PTPRD: variants seen among roughly 807,000 people sequenced by gnomAD.
PTPRD encodes receptor-type tyrosine-protein phosphatase delta.
A neutral mutation model predicts 214.5 loss-of-function variants in PTPRD; 34 were observed. That is an observed-to-expected ratio of 0.16 (90% confidence interval 0.12 to 0.21). The LOEUF (loss-of-function observed/expected upper bound fraction) is 0.21, where lower values mean the gene tolerates loss of function less well. Ranked by LOEUF, PTPRD falls within the 10% of genes least tolerant of loss-of-function variation. PTPRD has a pLI of 1.00. For missense variants in PTPRD, 2,545 were observed against 2,398.7 expected, an observed-to-expected ratio of 1.06 and a Z score of -1.27; for synonymous variants, 1,128 against 845.7, an observed-to-expected ratio of 1.33 and a Z score of -5.79.
chr9:8,420,619 T>A (rs540370367), intron 35 of PTPRD, among the ~76,000 whole-genome samples: 2 of 152,110 alleles, frequency 1.3e-5, no homozygotes, highest in Non-Finnish European at 2.9e-5. Flanking sequence ...CAAGAGCAGA[T>A]GAAGACTTAA....
intron 3 of PTPRD, among the ~76,000 whole-genome samples, chr9:10,225,205 G>C (rs906480146): frequency 2.5e-4 from 38 of 151,684 alleles, no homozygotes; most frequent in Admixed American, 7.9e-4. Context: ...AATTTTAGTA[G>C]TTTATAGTAA....
intron 3 of PTPRD, among the ~76,000 whole-genome samples, chr9:10,190,426 A>G (rs1177289824): frequency 1.6e-5 from 2 of 123,788 alleles, no homozygotes; most frequent in African/African-American, 6.8e-5. Flanking sequence ...AAAAACAAAA[A>G]GTCAAAGTGG....
At chr9:10,185,806 T>G (rs1273844264) in intron 3 of PTPRD, among the ~76,000 whole-genome samples, 2 of 152,142 alleles carry the variant, frequency 1.3e-5, no homozygotes, top group Admixed American at 1.3e-4. Context: ...CTAACTTGTT[T>G]CCTGGGAAGC....
chr9:9,095,493 T>TA (rs1304704695), intron 10 of PTPRD, among the ~76,000 whole-genome samples: 1 of 152,138 alleles, frequency 6.6e-6, no homozygotes, highest in African/African-American at 2.4e-5. Context: ...TGTAGTATAT[T>TA]AAAAATATAT....
intron 3 of PTPRD, among the ~76,000 whole-genome samples, chr9:10,239,359 C>CA (rs2099639450): frequency 6.6e-6 from 1 of 151,438 alleles, no homozygotes; most frequent in Non-Finnish European, 1.5e-5. Context: ...TGTATAGGTG[C>CA]AAAAAAAGCA....
At chr9:8,688,954 T>G (rs1181784966) in intron 12 of PTPRD, among the ~76,000 whole-genome samples, 1 of 152,226 alleles carries the variant, frequency 6.6e-6, no homozygotes, top group Admixed American at 6.5e-5. Context: ...ATGAATGCAT[T>G]TGAAGAATGT....
intron 11 of PTPRD, among the ~76,000 whole-genome samples, chr9:8,913,825 T>G (rs183576414): frequency 3.3e-5 from 5 of 152,294 alleles, no homozygotes; most frequent in African/African-American, 1.2e-4. Flanking sequence ...GTATTGTGAT[T>G]ATGACCTGCT....
chr9:8,391,069 A>C (rs2089371916), intron 36 of PTPRD, among the ~76,000 whole-genome samples: 1 of 115,622 alleles, frequency 8.6e-6, no homozygotes, highest in Admixed American at 8.2e-5. Context: ...TGATATGGGA[A>C]GGTACACTAG....
intron 9 of PTPRD, among the ~76,000 whole-genome samples, chr9:9,376,930 G>C (rs2060951098): frequency 6.6e-6 from 1 of 151,924 alleles, no homozygotes; most frequent in East Asian, 1.9e-4. Context: ...TTTGGGCTAG[G>C]AGACCAAATC....
intron 11 of PTPRD, among the ~76,000 whole-genome samples, chr9:8,810,848 A>T (rs565095867): frequency 1.3e-5 from 2 of 152,292 alleles, no homozygotes; most frequent in South Asian, 2.1e-4. Context: ...AGAGGCTCAC[A>T]GTCTTCCCTG....
At position 8,518,269 on chromosome 9, in the gene PTPRD, C is replaced by A. The variant is rs137892356; in HGVS notation, c.1122G>T (p.Ala374=). 1 of 1,614,056 alleles carries A rather than the reference C, an allele frequency of 6.2e-7. No individual in the cohort carries two copies. Among genetic ancestry groups the A allele is most frequent in the South Asian group, 1.1e-5 (1 of 91,078 alleles). The change falls in exon 21 of 46, where the codon GCG becomes GCT. Residue 374 remains alanine, a synonymous_variant. Coordinates refer to ENST00000381196, the MANE Select transcript of PTPRD (RefSeq NM_002839.4). ...EELYKEIDGV[A]TTRYSVAGLS... is the part of the protein sequence containing the mutation. ...GTCCAGCGACACTGTAGCGTGTGGT[C>A]GCCACCCCATCAATTTCTTTGTAAA...
In PTPRD at chr9:9,471,314, T is replaced by C. The variant is rs186182885; in HGVS notation, c.-236-73832A>G. On this transcript the variant is annotated intron_variant, in intron 8 of 45. Transcript: ENST00000381196. ...AAAGGAAACAACTGGATATTTCTTC[T>C]AGCTGAACTTATTATACTGTCAACA... is the stretch of plus-strand genomic sequence containing the variant. Among the ~76,000 whole-genome samples, 18 of 152,314 alleles carry C rather than the reference T, an allele frequency of 1.2e-4. 1 individual carries two copies. The highest frequency in any genetic ancestry group is 3.6e-4 in the African/African-American group (15 of 41,580).
intron 3 of PTPRD, among the ~76,000 whole-genome samples, chr9:10,248,046 G>A (rs939234004): frequency 6.6e-6 from 1 of 152,080 alleles, no homozygotes; most frequent in Non-Finnish European, 1.5e-5. Context: ...CCTCTCTCTT[G>A]CCTGCTGCCA....
chr9:9,302,601 C>CTT (rs3047853), intron 9 of PTPRD, among the ~76,000 whole-genome samples: 29,651 of 111,392 alleles, frequency 0.27, 4,573 homozygotes, highest in Non-Finnish European at 0.31. Flanking sequence ...TTTTTTTTTT[C>CTT]TTTTTTTTTT....
intron 7 of PTPRD, among the ~76,000 whole-genome samples, chr9:9,697,145 AGTT>A (rs988596484): frequency 6.6e-5 from 10 of 152,010 alleles, no homozygotes; most frequent in Admixed American, 6.6e-4. Flanking sequence ...CTGTCTCTTA[AGTT>A]GTTGTAGCTA....
intron 11 of PTPRD, among the ~76,000 whole-genome samples, chr9:8,783,047 A>C (rs184674999): frequency 1.3e-5 from 2 of 152,244 alleles, no homozygotes; most frequent in East Asian, 3.9e-4. Flanking sequence ...TCAAGACTCA[A>C]TTTCAGTTTT....
At chr9:8,933,908 G>C (rs986466998) in intron 11 of PTPRD, among the ~76,000 whole-genome samples, 1 of 152,058 alleles carries the variant, frequency 6.6e-6, no homozygotes, top group Non-Finnish European at 1.5e-5. Flanking sequence ...CTTCTGGCAA[G>C]TTCTCCATAT....
At chr9:9,741,576 G>C (rs947248502) in intron 6 of PTPRD, among the ~76,000 whole-genome samples, 2 of 152,042 alleles carry the variant, frequency 1.3e-5, no homozygotes, top group African/African-American at 4.8e-5. Context: ...ATCTACATTA[G>C]GTATTTCTCC....
chr9:8,874,854 T>G (rs918214536), intron 11 of PTPRD, among the ~76,000 whole-genome samples: 3 of 152,210 alleles, frequency 2.0e-5, no homozygotes, highest in African/African-American at 7.2e-5. Flanking sequence ...GATAAATGTG[T>G]GAGACAATGT....
Sources: gnomAD v4.1 joint callset for allele counts (sites outside exome capture counted in the v4.1 genomes callset) on GRCh38, gnomAD v4.1.1 for gene constraint, MANE v1.5 for transcripts, NCBI Gene and HGNC (gene_info 2026-07-23, HGNC 2026-07-21) for gene names.